Variants in ZNF557 observed in about 807,000 individuals in gnomAD.
ZNF557 encodes the protein zinc finger protein 557, also known as CTB-25J19.9.
A neutral mutation model predicts 21.2 loss-of-function variants in ZNF557; 19 were observed. The ratio of observed to expected loss-of-function variants is 0.90; its 90% CI spans 0.63 to 1.32. The LOEUF is 1.32. Among genes scored for constraint, ZNF557 ranks in the 40% most tolerant of loss-of-function variants. ZNF557 has a pLI of 0.00. For synonymous variants in ZNF557, 207 were observed against 194.8 expected, an observed-to-expected ratio of 1.06 and a Z score of -0.52; for missense variants, 487 against 519.8, an observed-to-expected ratio of 0.94 and a Z score of 0.61.
rs951037727 is a variant in ZNF557 at position 7,084,747 on chromosome 19, A to C, written c.*1003A>C. ...CTTGTGAGTGTAATCTGTATGGTAAAACTTTGAGCTCAAACTTTCCCCCTA... is the reference window on the plus strand; with the variant it reads ...CTTGTGAGTGTAATCTGTATGGTAACACTTTGAGCTCAAACTTTCCCCCTA... On this transcript the variant is annotated 3_prime_UTR_variant, in exon 8 of 8. Coordinates refer to ENST00000252840, the MANE Select transcript of ZNF557 (RefSeq NM_024341.3). The C allele has an allele frequency of 6.6e-6, 1 of 152,074 alleles. No individual in the cohort carries two copies. The highest frequency in any genetic ancestry group is 1.5e-5 in the Non-Finnish European group (1 of 68,010). 9.4% of individuals were successfully genotyped at this position (152,074 alleles called of 1,614,324 possible).
intron 5 of ZNF557, among the ~76,000 whole-genome samples, chr19:7,078,013 T>C (rs1208773107): frequency 1.3e-5 from 2 of 152,196 alleles, no homozygotes; most frequent in African/African-American, 2.4e-5. Context: ...CTTTTCGTTA[T>C]TGAGTTGTAA....
Position 7,087,537 on chromosome 19 carries a change from CAAA to C in ZNF557, c.*3806_*3808del, listed in dbSNP as rs11287183. On this transcript the variant is annotated 3_prime_UTR_variant, in exon 8 of 8. Coordinates refer to ENST00000252840, the MANE Select transcript of ZNF557 (RefSeq NM_024341.3). ...GGGCAACAAGAGCAAAACTCCATCT[CAAA>C]AAAAAAAAAAAAGAAAGAAACAGTG... The C allele has an allele frequency of 1.9e-4, 26 of 137,286 alleles. No homozygotes were observed. Among genetic ancestry groups the C allele is most frequent in the East Asian group, 2.1e-4 (1 of 4,758 alleles). The allele number at this position is 137,286 out of a possible 1,614,324, so 8.5% of individuals were successfully genotyped here. A position where few individuals can be genotyped will look rare whatever the true frequency, so the allele number is the denominator to read the frequency against.
rs1292935667 is a variant in ZNF557, at chr19:7,085,100, A to G, written c.*1356A>G. 2.6e-5 allele frequency: 4 copies of G among 152,160 alleles called. No individual in the cohort carries two copies. The highest frequency in any genetic ancestry group is 7.2e-5 in the African/African-American group (3 of 41,446). The allele number at this position is 152,160 out of a possible 1,614,324, so 9.4% of individuals were successfully genotyped here. ...AAGAAGTGAGATTCATACTAGAAAA[A>G]CCATTGAATTCCATCAGTATTAGAA... On this transcript the variant is annotated 3_prime_UTR_variant, in exon 8 of 8. Transcript: ENST00000252840.
rs896446756 is a variant in ZNF557, at chr19:7,083,614, T to C, written c.1163T>C (p.Leu388Pro). The C allele has an allele frequency of 2.5e-6, 4 of 1,613,924 alleles. No individual in the cohort carries two copies. Among genetic ancestry groups the C allele is most frequent in the African/African-American group, 2.7e-5 (2 of 74,908 alleles). The stretch of plus-strand genomic sequence containing the variant: ...GATTGTGGAAAATCCTTTAATGTTC[T>C]CTCATCCGTTAAGAAACACATGAGA... ...CSDCGKSFNV[L>P]SSVKKHMRTH... is the part of the protein sequence containing the mutation. Residue 388 changes from leucine (L) to proline (P), a missense_variant, in exon 8 of 8, where the codon CTC becomes CCC. Transcript: ENST00000252840.
chr19:7,087,226 T>TTTTTTTTTTTTTTTTTTTTTTG lies in ZNF557; in HGVS notation c.*3482_*3483insTTTTTTTTTTTTTTTTTTTTTG, dbSNP rs1555730813. 3.4e-5 allele frequency: 3 copies of TTTTTTTTTTTTTTTTTTTTTTG among 87,560 alleles called. No individual in the cohort carries two copies. The highest frequency in any genetic ancestry group is 5.1e-5 in the African/African-American group (1 of 19,646). 5.4% of individuals were successfully genotyped at this position (87,560 alleles called of 1,614,324 possible). ...GCTTTTTTTTTTTTTTTTTTTTTTT[T>TTTTTTTTTTTTTTTTTTTTTTG]CTTCACTGTGGTGATAAAAACCACA... On this transcript the variant is annotated 3_prime_UTR_variant, in exon 8 of 8. Coordinates refer to ENST00000252840, the MANE Select transcript of ZNF557 (RefSeq NM_024341.3).
In ZNF557 at chr19:7,083,126, T is replaced by TA; in HGVS notation, c.675_676insA (p.His226ThrfsTer2). 6.2e-7 allele frequency: 1 copy of TA among 1,613,870 alleles called. No individual in the cohort carries two copies. The highest frequency in any genetic ancestry group is 8.5e-7 in the Non-Finnish European group (1 of 1,179,922). On this transcript the variant is annotated frameshift_variant, in exon 8 of 8. Coordinates refer to ENST00000252840, the MANE Select transcript of ZNF557 (RefSeq NM_024341.3). LOFTEE classifies it low-confidence loss of function (END_TRUNC). ...TCAGCAGCAGATCTTACCTTACTGT[T>TA]CATAAGAGAATCCACAATGGGGAGA...
At position 7,083,626 on chromosome 19, in the gene ZNF557, A is replaced by G. The variant is rs1977769880; in HGVS notation, c.1175A>G (p.Lys392Arg). ...TCCTTTAATGTTCTCTCATCCGTTA[A>G]GAAACACATGAGAACTCACACTGGA... The part of the protein sequence containing the change: ...GKSFNVLSSV[K>R]KHMRTHTGKK... Residue 392 changes from lysine to arginine, a missense_variant, in exon 8 of 8, where the codon AAG becomes AGG. Transcript: ENST00000252840. 1 of 1,613,976 alleles carries G rather than the reference A, an allele frequency of 6.2e-7. No individual in the cohort carries two copies. The highest frequency in any genetic ancestry group is 8.5e-7 in the Non-Finnish European group (1 of 1,179,972).
In ZNF557 at chr19:7,085,104, T is replaced by C. The variant is rs1203897120; in HGVS notation, c.*1360T>C. The C allele has an allele frequency of 1.1e-4, 17 of 152,200 alleles. No individual in the cohort carries two copies. 9.4% of individuals were successfully genotyped at this position (152,200 alleles called of 1,614,324 possible). On this transcript the variant is annotated 3_prime_UTR_variant, in exon 8 of 8. Transcript: ENST00000252840. ...AGTGAGATTCATACTAGAAAAACCA[T>C]TGAATTCCATCAGTATTAGAATGTC... is the stretch of plus-strand genomic sequence containing the variant.
At position 7,070,626 on chromosome 19, in the gene ZNF557, A is replaced by G. The variant is rs556229074; in HGVS notation, c.-107A>G. 18 of 152,114 alleles carry G rather than the reference A, an allele frequency of 1.2e-4. No individual in the cohort carries two copies. Among genetic ancestry groups the G allele is most frequent in the Non-Finnish European group, 1.9e-4 (13 of 68,028 alleles). The allele number at this position is 152,114 out of a possible 1,614,324, so 9.4% of individuals were successfully genotyped here. On this transcript the variant is annotated 5_prime_UTR_variant, in exon 2 of 8. Transcript: ENST00000252840. ...CCAGCCTCAAGTTTCACCTATCCTCACTGATCCGTGGACTTCTGTATGATC... is the reference window on the plus strand; with the variant it reads ...CCAGCCTCAAGTTTCACCTATCCTCGCTGATCCGTGGACTTCTGTATGATC...
At chr19:7,069,966 CTG>C (rs1251227954) in intron 1 of ZNF557, among the ~76,000 whole-genome samples, 193 bp downstream of exon 1, 1 of 152,230 alleles carries the variant, frequency 6.6e-6, no homozygotes, top group Non-Finnish European at 1.5e-5. Flanking sequence ...CGGGGCGATT[CTG>C]CGCCCCAGGG....
intron 5 of ZNF557, among the ~76,000 whole-genome samples, chr19:7,078,064 A>G (rs1227343313): frequency 6.6e-6 from 1 of 152,210 alleles, no homozygotes; most frequent in Non-Finnish European, 1.5e-5. Flanking sequence ...TTTATCAAAT[A>G]TATCATTTTC....
intron 5 of ZNF557, among the ~76,000 whole-genome samples, 158 bp from the exon 6 acceptor site, chr19:7,081,174 TGTGTGTGTGTGTGTGTGTGTGTGTGTGA>T (rs1438392364): frequency 1.4e-3 from 170 of 125,350 alleles, no homozygotes; most frequent in African/African-American, 5.2e-3. Flanking sequence ...TGTGTGTGTG[TGTGTGTGTGTGTGTGTGTGTGTGTGTGA>T]GTGTTTAAGA....
intron 2 of ZNF557, among the ~76,000 whole-genome samples, chr19:7,073,157 G>GTTTTTT (rs552141577): frequency 7.3e-6 from 1 of 136,068 alleles, no homozygotes; most frequent in African/African-American, 2.8e-5. Context: ...GGTTTTTTTT[G>GTTTTTT]TTTTTTTTTT....
At chr19:7,073,987 A>C (rs1599838371) in intron 2 of ZNF557, among the ~76,000 whole-genome samples, 4 of 133,926 alleles carry the variant, frequency 3.0e-5, no homozygotes, top group African/African-American at 2.8e-5. Flanking sequence ...CCCCTCCCAC[A>C]CACACCCTTG....
chr19:7,083,102 C>T lies in ZNF557; in HGVS notation c.651C>T (p.Phe217=). 1 of 1,614,152 alleles carries T rather than the reference C, an allele frequency of 6.2e-7. No individual in the cohort carries two copies. The highest frequency in any genetic ancestry group is 2.2e-5 in the East Asian group (1 of 44,880). Residue 217 remains phenylalanine (F), a synonymous_variant, in exon 8 of 8, where the codon TTC becomes TTT. Coordinates refer to ENST00000252840, the MANE Select transcript of ZNF557 (RefSeq NM_024341.3). ...PYECNDCGKT[F]SSRSYLTVHK... ...AATGCAATGACTGTGGGAAAACCTTCAGCAGCAGATCTTACCTTACTGTTC... is the reference window on the plus strand; with the variant it reads ...AATGCAATGACTGTGGGAAAACCTTTAGCAGCAGATCTTACCTTACTGTTC...
chr19:7,079,402 T>C (rs550277683), intron 5 of ZNF557, among the ~76,000 whole-genome samples: 180 of 135,476 alleles, frequency 1.3e-3, no homozygotes, highest in East Asian at 3.8e-3. Context: ...CCACCACGCC[T>C]CGCTAATTTT....
At chr19:7,073,456 A>G (rs1413011925) in intron 2 of ZNF557, among the ~76,000 whole-genome samples, 1 of 152,008 alleles carries the variant, frequency 6.6e-6, no homozygotes, top group African/African-American at 2.4e-5. Flanking sequence ...GTGCCTGGCT[A>G]TAATACAGAT....
In ZNF557 at chr19:7,085,271, T is replaced by G. The variant is rs768488; in HGVS notation, c.*1527T>G. The G allele has an allele frequency of 1.3e-5, 2 of 152,250 alleles. No homozygotes were observed. Among genetic ancestry groups the G allele is most frequent in the East Asian group, 3.9e-4 (2 of 5,180 alleles). The allele number at this position is 152,250 out of a possible 1,614,324, so 9.4% of individuals were successfully genotyped here. A position where few individuals can be genotyped will look rare whatever the true frequency, so the allele number is the denominator to read the frequency against. On this transcript the variant is annotated 3_prime_UTR_variant, in exon 8 of 8. Coordinates refer to ENST00000252840, the MANE Select transcript of ZNF557 (RefSeq NM_024341.3). The stretch of plus-strand genomic sequence containing the variant: ...TATTGTAACCTCTGCCTCCCAGGCT[T>G]AAGGGATCCTCCCACCTCAGCCTCC...
rs76341660 is a variant in ZNF557 at position 7,079,391 on chromosome 19, A to G, written c.248-1969A>G. 4.3e-3 allele frequency among the ~76,000 whole-genome samples: 646 copies of G among 149,628 alleles called. 1 individual carries two copies. Among genetic ancestry groups the G allele is most frequent in the East Asian group, 6.7e-3 (34 of 5,040 alleles). ...CGAGTAGCTGGGACTACAGGCGCCC[A>G]CCACCACGCCTCGCTAATTTTTTAT... On this transcript the variant is annotated intron_variant, in intron 5 of 7. Transcript: ENST00000252840.
Sources: gnomAD v4.1 joint callset for allele counts (sites outside exome capture counted in the v4.1 genomes callset) on GRCh38, gnomAD v4.1.1 for gene constraint, MANE v1.5 for transcripts, NCBI Gene and HGNC (gene_info 2026-07-23, HGNC 2026-07-21) for gene names.